Variants in PDGFRA observed in about 807,000 individuals in gnomAD.
PDGFRA encodes platelet-derived growth factor receptor alpha.
A neutral mutation model predicts 121.5 loss-of-function variants in PDGFRA; 25 were observed. The ratio of observed to expected loss-of-function variants is 0.21; its 90% confidence interval spans 0.15 to 0.29. The LOEUF is 0.29. Ranked by LOEUF, PDGFRA falls within the 10% of genes least tolerant of loss-of-function variation. PDGFRA has a pLI of 1.00. For missense variants in PDGFRA, 1,008 were observed against 1,345.1 expected (o/e 0.75, Z 3.92); for synonymous variants, 463 against 494.8 (o/e 0.94, Z 0.85).
chr4:54,273,827 T>C, intron 10 of PDGFRA, 97 bp downstream of exon 10: 1 of 932,726 alleles, frequency 1.1e-6, no homozygotes. Flanking sequence ...GAAATGAAGG[T>C]CCCAAGGCAG....
At chr4:54,256,684 G>A (rs1295304682) in intron 1 of PDGFRA, among the ~76,000 whole-genome samples, 1 of 151,918 alleles carries the variant, frequency 6.6e-6, no homozygotes, top group Admixed American at 6.6e-5. Flanking sequence ...AAATGAGCTG[G>A]GTGTGGTGGT....
At chr4:54,275,467 A>G (rs1265193890) in intron 12 of PDGFRA, among the ~76,000 whole-genome samples, 1 of 152,244 alleles carries the variant, frequency 6.6e-6, no homozygotes, top group Non-Finnish European at 1.5e-5. Flanking sequence ...ACTTATCACA[A>G]GCATTTCAAG....
At chr4:54,283,803 A>G (rs947425101) in intron 16 of PDGFRA, among the ~76,000 whole-genome samples, 1 of 152,028 alleles carries the variant, frequency 6.6e-6, no homozygotes, top group Non-Finnish European at 1.5e-5. Context: ...GGGTCTCACT[A>G]TGTTGTCCAG....
intron 1 of PDGFRA, among the ~76,000 whole-genome samples, chr4:54,244,508 C>T (rs1721507211): frequency 6.6e-6 from 1 of 152,216 alleles, no homozygotes; most frequent in Non-Finnish European, 1.5e-5. Flanking sequence ...GCTGAGGATC[C>T]TGTCTGTTAG....
At chr4:54,273,206 A>G (rs1723499854) in intron 9 of PDGFRA, among the ~76,000 whole-genome samples, 1 of 152,132 alleles carries the variant, frequency 6.6e-6, no homozygotes, top group Non-Finnish European at 1.5e-5. Flanking sequence ...AAGGGGTGGG[A>G]GATTGAGATC....
At chr4:54,276,030 T>C (rs1364075469) in intron 12 of PDGFRA, among the ~76,000 whole-genome samples, 2 of 152,186 alleles carry the variant, frequency 1.3e-5, no homozygotes, top group African/African-American at 2.4e-5. Flanking sequence ...GTCACTGTTG[T>C]AAAACCTGAG....
In PDGFRA at chr4:54,297,257, A is replaced by G. The variant is rs1724921522; in HGVS notation, c.*1985A>G. The stretch of plus-strand genomic sequence containing the variant: ...TGAAACATGGGCTGTGATTACTGCA[A>G]TCACTGTGCTATCGGCAGATGATGC... On this transcript the variant is annotated 3_prime_UTR_variant, in exon 23 of 23. Coordinates refer to ENST00000257290, the MANE Select transcript of PDGFRA (RefSeq NM_006206.6). The G allele has an allele frequency of 4.3e-6, 1 of 233,626 alleles. No individual in the cohort carries two copies. The highest frequency in any genetic ancestry group is 8.5e-6 in the Non-Finnish European group (1 of 118,070). 14.5% of individuals were successfully genotyped at this position (233,626 alleles called of 1,614,324 possible). A position where few individuals can be genotyped will look rare whatever the true frequency, so the allele number is the denominator to read the frequency against.
intron 16 of PDGFRA, among the ~76,000 whole-genome samples, chr4:54,283,277 T>G (rs1485775549): frequency 2.0e-5 from 3 of 152,110 alleles, no homozygotes; most frequent in African/African-American, 7.2e-5. Context: ...GACACCCTGG[T>G]TTTTTAATAT....
intron 1 of PDGFRA, among the ~76,000 whole-genome samples, chr4:54,232,154 C>A (rs930159826): frequency 6.6e-6 from 1 of 152,210 alleles, no homozygotes; most frequent in African/African-American, 2.4e-5. Context: ...AGCTAAAAGC[C>A]GGATCGGTGA....
chr4:54,290,293 T>C lies in PDGFRA; in HGVS notation c.2881-20T>C, dbSNP rs763523429. 2 of 1,593,210 alleles carry C rather than the reference T, an allele frequency of 1.3e-6. No individual in the cohort carries two copies. ...TTGGTTGTTAACACTTGATTAAATA[T>C]GTTCAATGAATGTTTATAGAGTTAT... On this transcript the variant is annotated intron_variant, in intron 21 of 22. Transcript: ENST00000257290.
At chr4:54,234,444 G>T (rs546074770) in intron 1 of PDGFRA, among the ~76,000 whole-genome samples, 2 of 152,334 alleles carry the variant, frequency 1.3e-5, no homozygotes, top group African/African-American at 2.4e-5. Flanking sequence ...CTGGCCACTC[G>T]TAAGAACTAC....
At chr4:54,237,562 T>C (rs1325938215) in intron 1 of PDGFRA, among the ~76,000 whole-genome samples, 1 of 152,138 alleles carries the variant, frequency 6.6e-6, no homozygotes, top group Non-Finnish European at 1.5e-5. Flanking sequence ...GAGGCTGATA[T>C]TTATATGTAC....
At chr4:54,231,055 G>T (rs534996599) in intron 1 of PDGFRA, among the ~76,000 whole-genome samples, 1 of 152,348 alleles carries the variant, frequency 6.6e-6, no homozygotes, top group South Asian at 2.1e-4. Context: ...CTCGCGTCTT[G>T]GTCGGGAAGG....
At chr4:54,276,256 T>A (rs952543575) in intron 12 of PDGFRA, among the ~76,000 whole-genome samples, 1 of 151,832 alleles carries the variant, frequency 6.6e-6, no homozygotes, top group Non-Finnish European at 1.5e-5. Flanking sequence ...AAAAACCCCA[T>A]TCCCCCAGTT....
At chr4:54,260,397 G>GTTTTTTTTTTTT (rs68009440) in intron 2 of PDGFRA, among the ~76,000 whole-genome samples, 7 of 64,598 alleles carry the variant, frequency 1.1e-4, no homozygotes, top group African/African-American at 4.7e-4. Flanking sequence ...TTCCATGTGG[G>GTTTTTTTTTTTT]TTTTTTTTTT....
At chr4:54,232,406 C>T (rs1461912709) in intron 1 of PDGFRA, among the ~76,000 whole-genome samples, 1 of 152,170 alleles carries the variant, frequency 6.6e-6, no homozygotes, top group Non-Finnish European at 1.5e-5. Flanking sequence ...CTGGGATGGG[C>T]TGAAAAAGTA....
chr4:54,258,644 T>G, intron 1 of PDGFRA, 113 bp from the exon 2 acceptor site: 1 of 784,000 alleles, frequency 1.3e-6, no homozygotes, highest in Non-Finnish European at 2.3e-6. Context: ...TGGGACATGT[T>G]TGACTAAAAT....
chr4:54,268,975 C>T (rs1291778153), intron 7 of PDGFRA, among the ~76,000 whole-genome samples: 4 of 152,066 alleles, frequency 2.6e-5, no homozygotes, highest in Admixed American at 6.6e-5. Flanking sequence ...TTTTTAGTTC[C>T]TGTTATGAGC....
rs540494429 is a variant in PDGFRA, at chr4:54,283,028, T to C, written c.2324-2343T>C. On this transcript the variant is annotated intron_variant, in intron 16 of 22. Transcript: ENST00000257290. ...GAACACCCTGTGGCTTTGCAGGGTT[T>C]AGCCCCTGCAGCTGCTCTCAGGGGC... Among the ~76,000 whole-genome samples the C allele has an allele frequency of 2.0e-5, 3 of 152,342 alleles. No individual in the cohort carries two copies. In the South Asian group the frequency reaches 6.2e-4, roughly 32 times the overall value.
Sources: gnomAD v4.1 joint callset for allele counts (sites outside exome capture counted in the v4.1 genomes callset) on GRCh38, gnomAD v4.1.1 for gene constraint, MANE v1.5 for transcripts, NCBI Gene and HGNC (gene_info 2026-07-23, HGNC 2026-07-21) for gene names.